PIH1D2: variants seen among roughly 807,000 people sequenced by gnomAD.
The protein encoded by PIH1D2 is PIH1 domain containing 2, also known as PIH1 domain-containing protein 2.
In PIH1D2, 25 loss-of-function variants were observed where a neutral mutation model predicts 31.2. The observed-to-expected ratio is 0.80, with a 90% CI of 0.58 to 1.12. PIH1D2 has a LOEUF of 1.12. PIH1D2 is among the 50% of genes most tolerant of loss of function. The pLI, the probability that PIH1D2 is intolerant of heterozygous loss-of-function variation, is 0.00. For synonymous variants in PIH1D2, 116 were observed against 119.9 expected (o/e 0.97, Z 0.21); for missense variants, 310 against 356.6 (o/e 0.87, Z 1.05).
Position 112,073,022 on chromosome 11 carries a change from C to T in PIH1D2, c.153G>A (p.Gln51=). Residue 51 remains glutamine (Q), a synonymous_variant, in exon 2 of 6, where the codon CAG becomes CAA. Coordinates refer to ENST00000280350, the MANE Select transcript of PIH1D2 (RefSeq NM_138789.4). ...CCAGAATCCTGGTCTGTAGACAAAG[C>T]TGTGGTTCTGGGGCAGCACAGAGCT... ...GKQLCAAPEP[Q]LCLQTRILKP... is the part of the protein sequence containing the mutation. 6.2e-7 allele frequency: 1 copy of T among 1,612,778 alleles called. No homozygotes were observed.
chr11:112,071,957 G>A (rs782111458), intron 2 of PIH1D2, among the ~76,000 whole-genome samples, 199 bp from the exon 3 acceptor site: 33 of 152,092 alleles, frequency 2.2e-4, no homozygotes, highest in Admixed American at 4.6e-4. Flanking sequence ...GCCAGGTGTG[G>A]TGGTGGATAC....
intron 4 of PIH1D2, 82 bp from the exon 5 acceptor site, chr11:112,070,783 A>C (rs1195017866): frequency 6.5e-5 from 92 of 1,423,408 alleles, no homozygotes; most frequent in Non-Finnish European, 8.5e-5. Context: ...ATGTGGTGTT[A>C]GTAGAGATGG....
intron 3 of PIH1D2, 130 bp downstream of exon 3, chr11:112,071,505 A>G (rs887444787): frequency 1.5e-6 from 2 of 1,317,728 alleles, no homozygotes. Flanking sequence ...TTAAATTTGC[A>G]TAAAGATACA....
At chr11:112,055,682 G>A in the PIH1D2 span, among the ~76,000 whole-genome samples, 1 of 151,616 alleles carries the variant, frequency 6.6e-6, no homozygotes, top group Non-Finnish European at 1.5e-5. Context: ...GCTTTTAGAT[G>A]CATTCCTTTT....
chr11:112,056,785 C>A, the PIH1D2 span, among the ~76,000 whole-genome samples: 1 of 152,160 alleles, frequency 6.6e-6, no homozygotes, highest in African/African-American at 2.4e-5. Context: ...TTTTACCTTC[C>A]CACCAATAGT....
At chr11:112,054,787 A>G in the PIH1D2 span, among the ~76,000 whole-genome samples, 1 of 152,214 alleles carries the variant, frequency 6.6e-6, no homozygotes, top group African/African-American at 2.4e-5. Flanking sequence ...AGCAGGGGCA[A>G]TGCGTTCCCT....
At chr11:112,072,176 G>GTAAGTCAT (rs1396130055) in intron 2 of PIH1D2, among the ~76,000 whole-genome samples, 9 of 152,098 alleles carry the variant, frequency 5.9e-5, no homozygotes, top group Non-Finnish European at 1.3e-4. Flanking sequence ...TAGGCTCCAA[G>GTAAGTCAT]TAAGTCATTT....
At position 112,073,108 on chromosome 11, in the gene PIH1D2, C is replaced by T; in HGVS notation, c.67G>A (p.Ala23Thr). The change falls in exon 2 of 6, where the codon GCT (alanine) becomes ACT (threonine). Residue 23 changes from alanine (A) to threonine (T), a missense_variant. Coordinates refer to ENST00000280350, the MANE Select transcript of PIH1D2 (RefSeq NM_138789.4). ...TCATAGCCCTCAGGGTCACTCTGAG[C>T]TAGATCATCTAGGAGGTTCCAAAAC... ...TQFWNLLDDLAQSDPEGYEKF... is the reference protein window; with the variant it reads ...TQFWNLLDDLTQSDPEGYEKF... 6.2e-7 allele frequency: 1 copy of T among 1,613,984 alleles called. No homozygotes were observed. The highest frequency in any genetic ancestry group is 8.5e-7 in the Non-Finnish European group (1 of 1,179,870).
downstream of PIH1D2, among the ~76,000 whole-genome samples, chr11:112,062,211 T>C (rs1864675802): frequency 6.6e-6 from 1 of 152,212 alleles, no homozygotes. Context: ...TTTGGCCCAT[T>C]GCCCACCCAT....
At chr11:112,072,891 A>C (rs782007576) in intron 2 of PIH1D2, 107 bp downstream of exon 2, 827 of 1,190,656 alleles carry the variant, frequency 6.9e-4, no homozygotes, top group Non-Finnish European at 8.5e-4. Context: ...AAACAAAACA[A>C]AAAAAAAACA....
chr11:112,070,035 C>T (rs73568069), intron 5 of PIH1D2: 4,185 of 247,024 alleles, frequency 0.017, 175 homozygotes, highest in African/African-American at 0.086. Context: ...AGAGTGTAGA[C>T]TGGTAGACTG....
downstream of PIH1D2, among the ~76,000 whole-genome samples, chr11:112,058,625 T>TG (rs1169416538): frequency 0.28 from 19,871 of 71,678 alleles, 2,712 homozygotes; most frequent in East Asian, 0.45. Context: ...AAGGGGGGGG[T>TG]GGGGGGGGGG....
chr11:112,058,569 A>T (rs1864266215), downstream of PIH1D2, among the ~76,000 whole-genome samples: 1 of 133,408 alleles, frequency 7.5e-6, no homozygotes, highest in African/African-American at 2.7e-5. Context: ...GACCACGGAT[A>T]AAATCCATGA....
At chr11:112,060,644 T>TGTATGTAATTTTGTGTGTG (rs1555183131), downstream of PIH1D2, among the ~76,000 whole-genome samples, 25 of 152,166 alleles carry the variant, frequency 1.6e-4, no homozygotes, top group Non-Finnish European at 2.2e-4. Flanking sequence ...GTGTATGTTT[T>TGTATGTAATTTTGTGTGTG]TAGTAGTGTC....
intron 4 of PIH1D2, 118 bp downstream of exon 4, chr11:112,070,920 A>G: frequency 7.7e-7 from 1 of 1,291,870 alleles, no homozygotes; most frequent in Non-Finnish European, 1.0e-6. Flanking sequence ...TAATATTTGC[A>G]TTTTTCTATC....
downstream of PIH1D2, chr11:112,064,208 G>A: frequency 1.9e-6 from 3 of 1,567,764 alleles, no homozygotes; most frequent in South Asian, 2.4e-5. Context: ...TAATGCTTGT[G>A]GTTCTGTTGT....
At chr11:112,060,098 TA>T (rs1864467542), downstream of PIH1D2, 1 of 1,594,414 alleles carries the variant, frequency 6.3e-7, no homozygotes. Flanking sequence ...CTAATTATGT[TA>T]TTTTTAAGGT....
At chr11:112,061,182 C>T, downstream of PIH1D2, 1 of 1,613,822 alleles carries the variant, frequency 6.2e-7, no homozygotes. Context: ...AGGGTAAGTG[C>T]CAAAATGGAG....
chr11:112,061,285 C>G (rs1864604374), downstream of PIH1D2: 3 of 1,126,516 alleles, frequency 2.7e-6, no homozygotes, highest in African/African-American at 4.6e-5. Flanking sequence ...ATATCGTGAT[C>G]CACAATGCTC....
Sources: allele counts gnomAD v4.1 joint callset (sites outside exome capture counted in the v4.1 genomes callset), GRCh38; gene constraint gnomAD v4.1.1; transcripts MANE v1.5; gene names NCBI Gene and HGNC (gene_info 2026-07-23, HGNC 2026-07-21).